The following SHISA9 variants were observed in gnomAD, a reference collection of about 807,000 sequenced individuals.
SHISA9 encodes shisa family member 9.
SHISA9 carries 13 observed loss-of-function variants against 38.0 expected under a neutral mutation model. That is an observed-to-expected ratio of 0.34 (90% CI 0.22 to 0.54). SHISA9 has a LOEUF of 0.54. SHISA9 is among the 20% of genes least tolerant of loss of function. The pLI, the probability that SHISA9 is intolerant of heterozygous loss-of-function variation, is 0.91. For synonymous variants in SHISA9, 275 were observed against 242.0 expected, an observed-to-expected ratio of 1.14 and a Z score of -1.27; for missense variants, 538 against 575.8, an observed-to-expected ratio of 0.93 and a Z score of 0.67.
chr16:13,418,238 T>A, the SHISA9 span, among the ~76,000 whole-genome samples: 1,541 of 152,266 alleles, frequency 0.01, 24 homozygotes, highest in African/African-American at 0.036. Context: ...TCCAATTGTT[T>A]ATTGCTAAGT....
At chr16:13,429,794 G>T in the SHISA9 span, among the ~76,000 whole-genome samples, 1 of 152,170 alleles carries the variant, frequency 6.6e-6, no homozygotes, top group Admixed American at 6.5e-5. Context: ...GTTTGCAGAT[G>T]ATGTATCAGC....
chr16:13,201,635 A>T lies in SHISA9; in HGVS notation c.692-1759A>T, dbSNP rs1023459068. On this transcript the variant is annotated intron_variant, in intron 2 of 4. Transcript: ENST00000558583. Reference sequence around the variant, plus strand: ...TTACTACCTGGCCCTTTACAGAAAAAGTTTCCCGACTCCTACTCTAAACTT... The same window carrying T: ...TTACTACCTGGCCCTTTACAGAAAATGTTTCCCGACTCCTACTCTAAACTT... Among the ~76,000 whole-genome samples, 6 of 131,602 alleles carry T rather than the reference A, an allele frequency of 4.6e-5. 2 individuals are homozygous for T. The highest frequency in any genetic ancestry group is 1.8e-4 in the African/African-American group (6 of 33,008). 86.3% of individuals were successfully genotyped at this position (131,602 alleles called of 152,430 possible).
chr16:13,360,571 G>A, the SHISA9 span, among the ~76,000 whole-genome samples: 8 of 152,026 alleles, frequency 5.3e-5, no homozygotes, highest in Non-Finnish European at 8.8e-5. Flanking sequence ...TTCCCCTTCC[G>A]CCATGATTGA....
chr16:13,054,825 C>A (rs1412104283), intron 2 of SHISA9, among the ~76,000 whole-genome samples: 1 of 152,308 alleles, frequency 6.6e-6, no homozygotes, highest in East Asian at 1.9e-4. Flanking sequence ...ACACTGACTT[C>A]ATTTCAGTGC....
intron 2 of SHISA9, among the ~76,000 whole-genome samples, chr16:13,040,061 C>T (rs537713982): frequency 3.3e-5 from 5 of 152,156 alleles, no homozygotes; most frequent in African/African-American, 1.2e-4. Flanking sequence ...AAGTCAAGGC[C>T]TCCTCCCAGA....
In SHISA9 at chr16:13,103,387, C is replaced by A. The variant is rs182465030; in HGVS notation, c.692-100007C>A. Among the ~76,000 whole-genome samples, 11 of 152,254 alleles carry A rather than the reference C, an allele frequency of 7.2e-5. No homozygotes were observed. In the East Asian group the frequency reaches 1.5e-3, roughly 21 times the overall value. On this transcript the variant is annotated intron_variant, in intron 2 of 4. Transcript: ENST00000558583. ...TACATAGAGGGAAATGATTATGTTT[C>A]TGAGATGAATTATTGCACATTTGAG...
At chr16:13,320,643 A>C in the SHISA9 span, among the ~76,000 whole-genome samples, 1 of 152,228 alleles carries the variant, frequency 6.6e-6, no homozygotes, top group Admixed American at 6.5e-5. Flanking sequence ...CCAGAGATCA[A>C]GTCTTACCCC....
At chr16:13,180,220 C>T (rs2050765496) in intron 2 of SHISA9, among the ~76,000 whole-genome samples, 1 of 152,230 alleles carries the variant, frequency 6.6e-6, no homozygotes, top group African/African-American at 2.4e-5. Flanking sequence ...TATTCAGAGC[C>T]TCTGCCGCCT....
chr16:13,069,477 ATG>A (rs2073484183), intron 2 of SHISA9, among the ~76,000 whole-genome samples: 1 of 140,450 alleles, frequency 7.1e-6, no homozygotes, highest in South Asian at 2.2e-4. Context: ...GTATGTGTAT[ATG>A]TGTACACACA....
the SHISA9 span, among the ~76,000 whole-genome samples, chr16:13,289,947 A>G: frequency 1.3e-5 from 2 of 152,222 alleles, no homozygotes; most frequent in African/African-American, 4.8e-5. Flanking sequence ...TTAAAGAAAG[A>G]ATGCTGTAAT....
the SHISA9 span, among the ~76,000 whole-genome samples, chr16:13,433,335 A>G: frequency 1.3e-5 from 2 of 152,228 alleles, no homozygotes; most frequent in African/African-American, 2.4e-5. Context: ...GTAAATCTGA[A>G]GTAACCAAAG....
intron 2 of SHISA9, among the ~76,000 whole-genome samples, chr16:13,086,703 A>G (rs2073714323): frequency 6.6e-6 from 1 of 152,234 alleles, no homozygotes; most frequent in Non-Finnish European, 1.5e-5. Flanking sequence ...CAAGGCAAAG[A>G]GATGTATGCT....
At chr16:12,990,528 A>C (rs1379372207) in intron 2 of SHISA9, among the ~76,000 whole-genome samples, 1 of 152,162 alleles carries the variant, frequency 6.6e-6, no homozygotes, top group African/African-American at 2.4e-5. Flanking sequence ...GAATTATTTA[A>C]CCATTTTATT....
chr16:13,193,605 C>T (rs1054061166), intron 2 of SHISA9, among the ~76,000 whole-genome samples: 2 of 152,220 alleles, frequency 1.3e-5, no homozygotes, highest in African/African-American at 4.8e-5. Flanking sequence ...CTTGGACTCC[C>T]AAAGTGCTGT....
chr16:13,206,304 T>C (rs2051063363), intron 3 of SHISA9, among the ~76,000 whole-genome samples: 1 of 152,218 alleles, frequency 6.6e-6, no homozygotes, highest in Non-Finnish European at 1.5e-5. Context: ...ATATACTTTC[T>C]TTTATTATCA....
At chr16:12,971,134 A>G (rs560226947) in intron 2 of SHISA9, among the ~76,000 whole-genome samples, 9 of 152,332 alleles carry the variant, frequency 5.9e-5, no homozygotes, top group African/African-American at 2.2e-4. Flanking sequence ...AGCTGTCTGC[A>G]CAGGTACTAA....
At chr16:13,436,072 C>T in the SHISA9 span, among the ~76,000 whole-genome samples, 3 of 152,156 alleles carry the variant, frequency 2.0e-5, no homozygotes, top group African/African-American at 7.2e-5. Flanking sequence ...GAGCTGCCCC[C>T]TAGTGTCAGA....
At chr16:13,385,759 A>T in the SHISA9 span, among the ~76,000 whole-genome samples, 3 of 148,914 alleles carry the variant, frequency 2.0e-5, no homozygotes, top group Non-Finnish European at 4.4e-5. Flanking sequence ...ATGAAATAGT[A>T]CTCAGCAAAG....
the SHISA9 span, among the ~76,000 whole-genome samples, chr16:13,448,142 A>C: frequency 6.6e-6 from 1 of 152,176 alleles, no homozygotes; most frequent in Non-Finnish European, 1.5e-5. Flanking sequence ...GAGCCTTTTG[A>C]AAGTCTGCCA....
Sources: gnomAD v4.1 joint callset for allele counts (sites outside exome capture counted in the v4.1 genomes callset) on GRCh38, gnomAD v4.1.1 for gene constraint, MANE v1.5 for transcripts, NCBI Gene and HGNC (gene_info 2026-07-23, HGNC 2026-07-21) for gene names.